CEP112: variants seen among roughly 807,000 people sequenced by gnomAD.
CEP112 encodes the protein centrosomal protein of 112 kDa.
CEP112 carries 127 observed loss-of-function variants against 153.0 expected under a neutral mutation model. The ratio of observed to expected loss-of-function variants is 0.83; its 90% confidence interval spans 0.72 to 0.96. The LOEUF is 0.96. CEP112 is among the 40% of genes least tolerant of loss of function. CEP112 has a pLI of 0.00. For missense variants in CEP112, 1,089 were observed against 1,101.2 expected (o/e 0.99, Z 0.16); for synonymous variants, 358 against 374.4 (o/e 0.96, Z 0.51).
chr17:65,662,335 G>A (rs2046429151), intron 24 of CEP112, among the ~76,000 whole-genome samples: 1 of 152,120 alleles, frequency 6.6e-6, no homozygotes, highest in Non-Finnish European at 1.5e-5. Context: ...AGTACTGGGA[G>A]AGCAATAGTC....
intron 20 of CEP112, among the ~76,000 whole-genome samples, chr17:65,863,633 C>G (rs888995179): frequency 6.7e-6 from 1 of 149,648 alleles, no homozygotes; most frequent in Non-Finnish European, 1.5e-5. Flanking sequence ...GTGGCGGGTG[C>G]CTGTAGTCCC....
chr17:65,908,790 A>G (rs1340628306), intron 19 of CEP112, among the ~76,000 whole-genome samples: 2 of 152,204 alleles, frequency 1.3e-5, no homozygotes, highest in Non-Finnish European at 2.9e-5. Flanking sequence ...GAAGTTCTGA[A>G]GTTCCTAAAA....
At chr17:65,826,591 C>T in intron 21 of CEP112, 3 of 1,239,480 alleles carry the variant, frequency 2.4e-6, no homozygotes, top group Non-Finnish European at 3.0e-6. Flanking sequence ...TGATTCTGGT[C>T]TCCCAGGGGC....
chr17:65,785,871 T>C (rs1447940991), intron 21 of CEP112, among the ~76,000 whole-genome samples: 1 of 152,152 alleles, frequency 6.6e-6, no homozygotes, highest in Non-Finnish European at 1.5e-5. Context: ...TGAGCTTTAC[T>C]CTTTTGCATA....
rs143066692 is a variant in CEP112 at position 65,981,281 on chromosome 17, C to G, written c.1737-19683G>C. Among the ~76,000 whole-genome samples, 537 of 152,258 alleles carry G rather than the reference C, an allele frequency of 3.5e-3. 3 individuals are homozygous for G. Among genetic ancestry groups the G allele is most frequent in the African/African-American group, 0.013 (521 of 41,536 alleles). On this transcript the variant is annotated intron_variant, in intron 17 of 26. Coordinates refer to ENST00000535342, the MANE Select transcript of CEP112 (RefSeq NM_001199165.4). ...CTTGGGAACACCATTAGGAAGAGAT[C>G]TACTATTAAAATTAGTACCAGATTA... is the stretch of plus-strand genomic sequence containing the variant.
At chr17:65,971,516 T>C (rs1310187018) in intron 17 of CEP112, among the ~76,000 whole-genome samples, 2 of 149,392 alleles carry the variant, frequency 1.3e-5, no homozygotes, top group African/African-American at 2.5e-5. Context: ...ACATGCACAT[T>C]ACATGTGTAT....
At chr17:65,986,926 G>A (rs182188826) in intron 17 of CEP112, among the ~76,000 whole-genome samples, 257 of 152,120 alleles carry the variant, frequency 1.7e-3, no homozygotes, top group Admixed American at 3.4e-3. Context: ...CTAGAAAAGT[G>A]TACAAACAGT....
At chr17:66,066,939 G>C in intron 9 of CEP112, 62 bp from the exon 10 acceptor site, 1 of 1,006,258 alleles carries the variant, frequency 9.9e-7, no homozygotes, top group Non-Finnish European at 1.4e-6. Context: ...ACACTTTTTT[G>C]AATCCTGATA....
At chr17:65,649,685 C>T (rs1827807029) in intron 24 of CEP112, among the ~76,000 whole-genome samples, 1 of 148,298 alleles carries the variant, frequency 6.7e-6, no homozygotes, top group African/African-American at 2.5e-5. Flanking sequence ...TGCCACTGCA[C>T]CCAGCCTAGG....
At chr17:66,166,316 C>G (rs540624719) in intron 4 of CEP112, among the ~76,000 whole-genome samples, 45 of 152,266 alleles carry the variant, frequency 3.0e-4, no homozygotes, top group Non-Finnish European at 2.8e-4. Flanking sequence ...TTTAACATTA[C>G]TCCTCTTCAC....
At chr17:65,881,565 A>G (rs1040839418) in intron 20 of CEP112, among the ~76,000 whole-genome samples, 1 of 152,202 alleles carries the variant, frequency 6.6e-6, no homozygotes, top group African/African-American at 2.4e-5. Context: ...ATGATCTCAG[A>G]CAATCTTTTG....
At chr17:66,030,689 CCCTTT>C (rs1403162626) in intron 12 of CEP112, among the ~76,000 whole-genome samples, 21 of 151,994 alleles carry the variant, frequency 1.4e-4, no homozygotes, top group Non-Finnish European at 2.6e-4. Flanking sequence ...AGAATTTTTC[CCCTTT>C]GTAGAACTGC....
chr17:66,151,966 A>G (rs1390237572), intron 4 of CEP112, among the ~76,000 whole-genome samples: 1 of 152,234 alleles, frequency 6.6e-6, no homozygotes. Flanking sequence ...AGTAATTTGT[A>G]ATGGAATTTC....
At chr17:66,093,267 G>A (rs533163483) in intron 8 of CEP112, among the ~76,000 whole-genome samples, 12 of 152,092 alleles carry the variant, frequency 7.9e-5, no homozygotes, top group East Asian at 1.9e-4. Context: ...GCTTGAACCC[G>A]TGAGACGTAG....
intron 23 of CEP112, among the ~76,000 whole-genome samples, chr17:65,716,529 G>A (rs1188006012): frequency 6.6e-6 from 1 of 152,100 alleles, no homozygotes; most frequent in African/African-American, 2.4e-5. Context: ...GGGCAGGGGA[G>A]GGACTACTTG....
chr17:65,835,786 C>G (rs1189291743), intron 21 of CEP112, among the ~76,000 whole-genome samples: 1 of 152,084 alleles, frequency 6.6e-6, no homozygotes, highest in Non-Finnish European at 1.5e-5. Flanking sequence ...AGATATTAAA[C>G]TGACTTGGAA....
chr17:66,123,549 G>A (rs2069697164), intron 6 of CEP112, among the ~76,000 whole-genome samples: 1 of 152,156 alleles, frequency 6.6e-6, no homozygotes, highest in South Asian at 2.1e-4. Flanking sequence ...ATGCCTTTAG[G>A]ACAATTTCCA....
intron 16 of CEP112, among the ~76,000 whole-genome samples, chr17:66,011,770 T>TA (rs2064538860): frequency 6.6e-6 from 1 of 152,132 alleles, no homozygotes; most frequent in Non-Finnish European, 1.5e-5. Flanking sequence ...ATATCTTTGT[T>TA]AGTTTTCTCC....
chr17:65,970,231 T>A, intron 17 of CEP112, among the ~76,000 whole-genome samples: 1 of 43,074 alleles, frequency 2.3e-5, no homozygotes, highest in South Asian at 2.7e-3. Context: ...ACCATGCATA[T>A]ATGCATGTAT....
Sources: allele counts gnomAD v4.1 joint callset (sites outside exome capture counted in the v4.1 genomes callset), GRCh38; gene constraint gnomAD v4.1.1; transcripts MANE v1.5; gene names NCBI Gene and HGNC (gene_info 2026-07-23, HGNC 2026-07-21).